Variants in CRTAM observed in about 807,000 individuals in gnomAD.
CRTAM encodes cytotoxic and regulatory T cell molecule, also known as cytotoxic and regulatory T-cell molecule.
A neutral mutation model predicts 50.0 loss-of-function variants in CRTAM; 44 were observed. That is an observed-to-expected ratio of 0.88 (90% CI 0.69 to 1.13). CRTAM has a LOEUF of 1.13. Ranked by LOEUF, CRTAM falls within the 50% of genes most tolerant of loss-of-function variation. The pLI, the probability that CRTAM is intolerant of heterozygous loss-of-function variation, is 0.00. For synonymous variants in CRTAM, 159 were observed against 169.3 expected (o/e 0.94, Z 0.47); for missense variants, 448 against 457.5 (o/e 0.98, Z 0.19).
intron 7 of CRTAM, among the ~76,000 whole-genome samples, chr11:122,865,186 G>A (rs565150213): frequency 3.1e-4 from 47 of 152,024 alleles, no homozygotes; most frequent in African/African-American, 7.0e-4. Context: ...ACAGGCACAC[G>A]CCACCACCCC....
At chr11:122,844,308 C>T (rs1861835316) in intron 1 of CRTAM, among the ~76,000 whole-genome samples, 1 of 152,308 alleles carries the variant, frequency 6.6e-6, no homozygotes, top group Middle Eastern at 3.4e-3. Context: ...AAATGGGAGA[C>T]ATTTATTCCT....
rs1315816448 is a variant in CRTAM at position 122,871,369 on chromosome 11, G to A, written c.1152G>A (p.Lys384=). The stretch of plus-strand genomic sequence containing the variant: ...TACAACATTCAAAATTAGAAGAAAA[G>A]CACATCCAAGTACCAGAGAGTATTG... ...ENVQHSKLEE[K]HIQVPESIV is the part of the protein sequence containing the mutation. The change falls in exon 10 of 10, where the codon AAG becomes AAA. Residue 384 remains lysine, a synonymous_variant. Coordinates refer to ENST00000227348, the MANE Select transcript of CRTAM (RefSeq NM_019604.4). 2 of 1,613,664 alleles carry A rather than the reference G, an allele frequency of 1.2e-6. No homozygotes were observed. The highest frequency in any genetic ancestry group is 1.3e-5 in the African/African-American group (1 of 74,914).
At chr11:122,868,526 T>A (rs1484084653) in intron 9 of CRTAM, among the ~76,000 whole-genome samples, 1 of 152,102 alleles carries the variant, frequency 6.6e-6, no homozygotes, top group African/African-American at 2.4e-5. Flanking sequence ...CCCAACAGAA[T>A]GGATGGTGCC....
At chr11:122,852,290 C>T (rs550966317) in intron 3 of CRTAM, among the ~76,000 whole-genome samples, 5 of 152,306 alleles carry the variant, frequency 3.3e-5, no homozygotes, top group Admixed American at 6.5e-5. Context: ...TGTAGCTGCA[C>T]TGCTTGATCT....
At chr11:122,854,816 G>C (rs1861983806) in intron 4 of CRTAM, among the ~76,000 whole-genome samples, 2 of 152,088 alleles carry the variant, frequency 1.3e-5, no homozygotes, top group Non-Finnish European at 2.9e-5. Flanking sequence ...CACAAGAACA[G>C]ATTAAAAATA....
rs774275569 is a variant in CRTAM at position 122,863,787 on chromosome 11, A to G, written c.734-849A>G. On this transcript the variant is annotated intron_variant, in intron 6 of 9. Coordinates refer to ENST00000227348, the MANE Select transcript of CRTAM (RefSeq NM_019604.4). ...ACTCAATTTTCTGCTCTGCTTTTTC[A>G]TATATAAGACTTTTAAAATAGGGTT... 3.3e-5 allele frequency among the ~76,000 whole-genome samples: 5 copies of G among 152,192 alleles called. No homozygotes were observed. The South Asian group carries it at 6.2e-4, about 19-fold the overall frequency.
intron 1 of CRTAM, among the ~76,000 whole-genome samples, chr11:122,839,209 G>A (rs1861770671): frequency 6.6e-6 from 1 of 152,190 alleles, no homozygotes; most frequent in South Asian, 2.1e-4. Flanking sequence ...TGGGATTACA[G>A]GCGTAAGCCA....
In CRTAM at chr11:122,871,410, A is replaced by C; in HGVS notation, c.*11A>C. ...GAGAGTATTGTGTAGTGCTCTCTGC[A>C]ATGGAACATGTGATTTCAGGGTTGC... On this transcript the variant is annotated 3_prime_UTR_variant, in exon 10 of 10. Transcript: ENST00000227348. 3 of 1,606,122 alleles carry C rather than the reference A, an allele frequency of 1.9e-6. No individual in the cohort carries two copies. The highest frequency in any genetic ancestry group is 2.6e-6 in the Non-Finnish European group (3 of 1,176,192).
At position 122,855,687 on chromosome 11, in the gene CRTAM, C is replaced by T; in HGVS notation, c.491-8C>T. On this transcript the variant is annotated splice_region_variant and splice_polypyrimidine_tract_variant and intron_variant, in intron 4 of 9. Coordinates refer to ENST00000227348, the MANE Select transcript of CRTAM (RefSeq NM_019604.4). ...AAATAGCCATAACCTCTTCAAATTGCTACATAGGTGGAACGCTCCATGAAT... is the reference window on the plus strand; with the variant it reads ...AAATAGCCATAACCTCTTCAAATTGTTACATAGGTGGAACGCTCCATGAAT... 6.2e-7 allele frequency: 1 copy of T among 1,613,454 alleles called. No individual in the cohort carries two copies. Among genetic ancestry groups the T allele is most frequent in the Non-Finnish European group, 8.5e-7 (1 of 1,179,532 alleles).
chr11:122,866,799 C>G (rs1384864537), intron 7 of CRTAM, among the ~76,000 whole-genome samples: 1 of 151,740 alleles, frequency 6.6e-6, no homozygotes, highest in Non-Finnish European at 1.5e-5. Flanking sequence ...TTTGTAGAGA[C>G]AAAGTGTCAC....
In CRTAM at chr11:122,863,355, G is replaced by A. The variant is rs199695209; in HGVS notation, c.733+811G>A. On this transcript the variant is annotated intron_variant, in intron 6 of 9. Coordinates refer to ENST00000227348, the MANE Select transcript of CRTAM (RefSeq NM_019604.4). ...AAAGAAAGAAAGAAAGAAAGAAAAA[G>A]AAAGAAAGAAAGAAAAAGAAAGAAA... 7.6e-3 allele frequency among the ~76,000 whole-genome samples: 373 copies of A among 49,006 alleles called. 4 individuals are homozygous for A. The highest frequency in any genetic ancestry group is 0.015 in the Admixed American group (79 of 5,150). 32.1% of individuals were successfully genotyped at this position (49,006 alleles called of 152,430 possible).
At chr11:122,861,392 A>G (rs1379567773) in intron 5 of CRTAM, among the ~76,000 whole-genome samples, 1 of 21,072 alleles carries the variant, frequency 4.7e-5, no homozygotes, top group African/African-American at 1.8e-4. Context: ...ATACGTATAT[A>G]TATATATATA....
At chr11:122,852,013 G>A (rs1861936758) in intron 3 of CRTAM, among the ~76,000 whole-genome samples, 168 bp downstream of exon 3, 1 of 152,172 alleles carries the variant, frequency 6.6e-6, no homozygotes, top group African/African-American at 2.4e-5. Flanking sequence ...ATTTTGAGAA[G>A]CAAGACCAAG....
intron 5 of CRTAM, among the ~76,000 whole-genome samples, chr11:122,857,032 A>C (rs1862016147): frequency 6.6e-6 from 1 of 152,228 alleles, no homozygotes; most frequent in Non-Finnish European, 1.5e-5. Context: ...AGGAGAACCA[A>C]CAATGTCGAA....
At chr11:122,861,774 G>A (rs771628998) in intron 5 of CRTAM, among the ~76,000 whole-genome samples, 1 of 151,976 alleles carries the variant, frequency 6.6e-6, no homozygotes, top group Non-Finnish European at 1.5e-5. Flanking sequence ...AAAGTGACAG[G>A]CACAGTTATT....
intron 3 of CRTAM, among the ~76,000 whole-genome samples, chr11:122,853,105 C>T (rs534241246): frequency 6.6e-6 from 1 of 151,512 alleles, no homozygotes; most frequent in Admixed American, 6.6e-5. Context: ...GCTCTGTTGC[C>T]CGGGCTGGAG....
At chr11:122,863,910 A>G (rs893558461) in intron 6 of CRTAM, among the ~76,000 whole-genome samples, 39 of 152,094 alleles carry the variant, frequency 2.6e-4, no homozygotes, top group Non-Finnish European at 4.3e-4. Context: ...GGGTCCACAT[A>G]GTGGCGCTGT....
In CRTAM at chr11:122,855,768, TG is replaced by T. The variant is rs1861997954; in HGVS notation, c.566del (p.Gly189AlafsTer20). Reference sequence around the variant, plus strand: ...CCAGCACTCTCATAATCCACACTTATGGCAAAAATTCAACGGTGGACTGCAT... The same window carrying T: ...CCAGCACTCTCATAATCCACACTTATGCAAAAATTCAACGGTGGACTGCAT... ...TTSTLIIHTY[G>X]KNSTVDCIIR... On this transcript the variant is annotated frameshift_variant, in exon 5 of 10. Transcript: ENST00000227348. LOFTEE classifies it high-confidence loss of function. 6.2e-7 allele frequency: 1 copy of T among 1,613,882 alleles called. No homozygotes were observed. The highest frequency in any genetic ancestry group is 8.5e-7 in the Non-Finnish European group (1 of 1,179,854).
In CRTAM at chr11:122,850,030, C is replaced by T. The variant is rs199952171; in HGVS notation, c.47-38C>T. The T allele has an allele frequency of 9.8e-5, 151 of 1,544,808 alleles. 3 individuals carry two copies. The Admixed American group carries it at 2.7e-3, about 28-fold the overall frequency. ...GACAAAATCCCTGAGACACTGTGGA[C>T]CCCCGGCCTGATCATCCCCATTTCT... On this transcript the variant is annotated intron_variant, in intron 1 of 9. Coordinates refer to ENST00000227348, the MANE Select transcript of CRTAM (RefSeq NM_019604.4).
Sources: gnomAD v4.1 joint callset for allele counts (sites outside exome capture counted in the v4.1 genomes callset) on GRCh38, gnomAD v4.1.1 for gene constraint, MANE v1.5 for transcripts, NCBI Gene and HGNC (gene_info 2026-07-23, HGNC 2026-07-21) for gene names.